The following TRAT1 variants were observed in gnomAD, a reference collection of about 807,000 sequenced individuals.
TRAT1 encodes T cell receptor associated transmembrane adaptor 1.
TRAT1 carries 20 observed loss-of-function variants against 20.0 expected under a neutral mutation model. That is an observed-to-expected ratio of 1.00 (90% confidence interval 0.70 to 1.45). The LOEUF is 1.45. Ranked by LOEUF, TRAT1 falls within the 40% of genes most tolerant of loss-of-function variation. TRAT1 has a pLI of 0.00. For missense variants in TRAT1, 237 were observed against 224.1 expected (o/e 1.06, Z -0.37); for synonymous variants, 77 against 74.2 (o/e 1.04, Z -0.20).
chr3:108,851,851 A>G (rs1444204633), intron 5 of TRAT1, among the ~76,000 whole-genome samples: 2 of 152,070 alleles, frequency 1.3e-5, no homozygotes, highest in African/African-American at 4.8e-5. Flanking sequence ...ACATTCTTTA[A>G]CTCTGCAGCA....
intron 5 of TRAT1, among the ~76,000 whole-genome samples, chr3:108,852,510 G>A (rs1946006989): frequency 6.6e-6 from 1 of 152,164 alleles, no homozygotes; most frequent in African/African-American, 2.4e-5. Context: ...TGCCAACGGG[G>A]AGATGCTTAC....
At chr3:108,838,635 T>C (rs1438470390) in intron 2 of TRAT1, among the ~76,000 whole-genome samples, 3 of 152,272 alleles carry the variant, frequency 2.0e-5, no homozygotes, top group Admixed American at 2.0e-4. Flanking sequence ...AAAACCGCAA[T>C]GCATCCAGGC....
intron 5 of TRAT1, among the ~76,000 whole-genome samples, chr3:108,850,448 G>A (rs946567431): frequency 3.3e-5 from 5 of 152,062 alleles, no homozygotes; most frequent in Non-Finnish European, 7.4e-5. Flanking sequence ...GGGATTACAG[G>A]TGCCTGCCAC....
rs576005236 is a variant in TRAT1 at position 108,841,670 on chromosome 3, TTC to T, written c.152+2707_152+2708del. Reference sequence around the variant, plus strand: ...AAAGGAATTGCTTCTCTCATCTTATTTCTCTGTTTCCCCATTCCCTGCCCTTC... The same window carrying T: ...AAAGGAATTGCTTCTCTCATCTTATTTCTGTTTCCCCATTCCCTGCCCTTC... On this transcript the variant is annotated intron_variant, in intron 3 of 5. Coordinates refer to ENST00000295756, the MANE Select transcript of TRAT1 (RefSeq NM_016388.4). Among the ~76,000 whole-genome samples, 13 of 152,296 alleles carry T rather than the reference TTC, an allele frequency of 8.5e-5. No individual in the cohort carries two copies. In the South Asian group the frequency reaches 2.1e-3, roughly 24 times the overall value.
At chr3:108,839,058 T>G in intron 3 of TRAT1, 91 bp downstream of exon 3, 1 of 943,800 alleles carries the variant, frequency 1.1e-6, no homozygotes, top group Admixed American at 2.0e-5. Flanking sequence ...TCATGGATAT[T>G]GTACTTAGGT....
At chr3:108,839,011 G>C in intron 3 of TRAT1, 44 bp downstream of exon 3, 1 of 1,449,020 alleles carries the variant, frequency 6.9e-7, no homozygotes, top group Non-Finnish European at 9.7e-7. Flanking sequence ...CAACTAATAA[G>C]CAAAAGTAAC....
intron 4 of TRAT1, among the ~76,000 whole-genome samples, chr3:108,848,865 T>C (rs1006152701): frequency 1.3e-4 from 20 of 152,280 alleles, no homozygotes; most frequent in Admixed American, 9.8e-4. Flanking sequence ...CTCTATAACA[T>C]CCAAATGGTA....
At chr3:108,840,450 T>C (rs1009147553) in intron 3 of TRAT1, among the ~76,000 whole-genome samples, 2 of 152,006 alleles carry the variant, frequency 1.3e-5, no homozygotes, top group Non-Finnish European at 1.5e-5. Context: ...AGGTTGATGG[T>C]TTAGGGATTA....
intron 3 of TRAT1, among the ~76,000 whole-genome samples, chr3:108,843,554 A>AAAC (rs201841156): frequency 1.5e-4 from 23 of 151,890 alleles, no homozygotes; most frequent in African/African-American, 5.1e-4. Flanking sequence ...AAAATAAACA[A>AAAC]AACAACAACA....
At position 108,838,911 on chromosome 3, in the gene TRAT1, T is replaced by G. The variant is rs747267147; in HGVS notation, c.119-23T>G. On this transcript the variant is annotated intron_variant, in intron 2 of 5. Transcript: ENST00000295756. ...AGGTATGTCAACATTTCTTTTAACT[T>G]GTCTATTTTGAATATCTTTCAGATA... is the stretch of plus-strand genomic sequence containing the variant. 3.2e-6 allele frequency: 5 copies of G among 1,581,326 alleles called. No individual in the cohort carries two copies. The African/African-American group carries it at 5.4e-5, about 17-fold the overall frequency.
chr3:108,831,515 G>A (rs1945792583), intron 2 of TRAT1, among the ~76,000 whole-genome samples: 1 of 149,742 alleles, frequency 6.7e-6, no homozygotes, highest in Non-Finnish European at 1.5e-5. Context: ...GAGAATGAAA[G>A]TTCAAATATT....
intron 2 of TRAT1, among the ~76,000 whole-genome samples, chr3:108,837,543 A>G (rs1945850918): frequency 6.6e-6 from 1 of 152,246 alleles, no homozygotes; most frequent in African/African-American, 2.4e-5. Context: ...GACTTACTGA[A>G]TTATTTGAAA....
At chr3:108,836,605 T>G (rs1211720398) in intron 2 of TRAT1, among the ~76,000 whole-genome samples, 4 of 152,196 alleles carry the variant, frequency 2.6e-5, no homozygotes, top group Non-Finnish European at 4.4e-5. Flanking sequence ...CTCAAATGAG[T>G]GCAATTAATT....
intron 4 of TRAT1, 32 bp from the exon 5 acceptor site, chr3:108,849,134 T>G: frequency 6.4e-7 from 1 of 1,572,014 alleles, no homozygotes. Flanking sequence ...TTAAATTTTC[T>G]ATTGTGAATC....
rs755320554 is a variant in TRAT1, at chr3:108,849,232, A to C, written c.281A>C (p.Gln94Pro). 1.2e-6 allele frequency: 2 copies of C among 1,614,128 alleles called. No homozygotes were observed. The highest frequency in any genetic ancestry group is 1.7e-6 in the Non-Finnish European group (2 of 1,179,980). ...CCAGAGAAATCTGTAAATAAGATGC[A>C]GGAAGCCACCCCATCTGCACAGGTG... ...ARPEKSVNKMQEATPSAQATN... is the reference protein window; with the variant it reads ...ARPEKSVNKMPEATPSAQATN... The change falls in exon 5 of 6, where the codon CAG (glutamine) becomes CCG (proline). Residue 94 changes from glutamine to proline, a missense_variant. Coordinates refer to ENST00000295756, the MANE Select transcript of TRAT1 (RefSeq NM_016388.4).
At chr3:108,830,154 A>G (rs1046704105) in intron 1 of TRAT1, among the ~76,000 whole-genome samples, 3 of 152,180 alleles carry the variant, frequency 2.0e-5, no homozygotes, top group Admixed American at 1.3e-4. Context: ...ACATAGTATG[A>G]GAAAAGCTCC....
Sources: allele counts gnomAD v4.1 joint callset (sites outside exome capture counted in the v4.1 genomes callset), GRCh38; gene constraint gnomAD v4.1.1; transcripts MANE v1.5; gene names NCBI Gene and HGNC (gene_info 2026-07-23, HGNC 2026-07-21).